HHLA1: variants seen among roughly 807,000 people sequenced by gnomAD.
The protein encoded by HHLA1 is HERV-H LTR-associating protein 1.
A neutral mutation model predicts 69.9 loss-of-function variants in HHLA1; 72 were observed. The ratio of observed to expected loss-of-function variants is 1.03; its 90% CI spans 0.85 to 1.25. The LOEUF (loss-of-function observed/expected upper bound fraction) is 1.25. Ranked by LOEUF, HHLA1 falls within the 50% of genes most tolerant of loss-of-function variation. The pLI, the probability that HHLA1 is intolerant of heterozygous loss-of-function variation, is 0.00. For missense variants in HHLA1, 685 were observed against 642.2 expected (o/e 1.07, Z -0.72); for synonymous variants, 252 against 233.2 (o/e 1.08, Z -0.73).
At chr8:132,102,616 C>T (rs927630227) in intron 3 of HHLA1, among the ~76,000 whole-genome samples, 5 of 152,210 alleles carry the variant, frequency 3.3e-5, no homozygotes, top group Non-Finnish European at 7.3e-5. Flanking sequence ...GAGGCACAAT[C>T]AACCTTGCTT....
intron 14 of HHLA1, among the ~76,000 whole-genome samples, chr8:132,075,404 G>T (rs184517145): frequency 1.3e-3 from 199 of 152,280 alleles, no homozygotes; most frequent in African/African-American, 4.6e-3. Context: ...AGAGTGAGAT[G>T]TCCAAAAGCA....
chr8:132,105,471 A>T (rs371683630), intron 1 of HHLA1, among the ~76,000 whole-genome samples, 185 bp from the exon 2 acceptor site: 6 of 152,326 alleles, frequency 3.9e-5, no homozygotes, highest in African/African-American at 1.4e-4. Flanking sequence ...AGAAAAGTTG[A>T]TTTCTTGTTT....
intron 5 of HHLA1, among the ~76,000 whole-genome samples, chr8:132,098,663 T>C (rs1192929161): frequency 1.3e-5 from 2 of 151,998 alleles, no homozygotes; most frequent in South Asian, 2.1e-4. Flanking sequence ...GGTTTTGTCA[T>C]GTTGCCTAGG....
intron 5 of HHLA1, among the ~76,000 whole-genome samples, chr8:132,097,080 C>T (rs138480582): frequency 6.6e-6 from 1 of 152,276 alleles, no homozygotes; most frequent in East Asian, 1.9e-4. Flanking sequence ...TGCCCATTCC[C>T]CCTCGGCTCT....
At chr8:132,076,002 AC>A in intron 14 of HHLA1, 52 bp downstream of exon 14, 1 of 1,281,190 alleles carries the variant, frequency 7.8e-7, no homozygotes, top group South Asian at 1.3e-5. Flanking sequence ...CTACTACATG[AC>A]CTTGTTCAAA....
intron 1 of HHLA1, among the ~76,000 whole-genome samples, chr8:132,107,156 G>A (rs1216995361): frequency 6.6e-6 from 1 of 151,796 alleles, no homozygotes; most frequent in Admixed American, 6.6e-5. Context: ...GAGAAATACG[G>A]AATTAAAAGA....
At position 132,087,908 on chromosome 8, in the gene HHLA1, G is replaced by A; in HGVS notation, c.533-7C>T. On this transcript the variant is annotated splice_region_variant and splice_polypyrimidine_tract_variant and intron_variant, in intron 8 of 16. Transcript: ENST00000414222. ...GATTCATTGCTTTGATTCACTGTAA[G>A]ACAAACGAGTATACAATAAGACTTA... 1 of 1,548,674 alleles carries A rather than the reference G, an allele frequency of 6.5e-7. No homozygotes were observed. Among genetic ancestry groups the A allele is most frequent in the Non-Finnish European group, 8.7e-7 (1 of 1,144,172 alleles).
At chr8:132,071,800 T>C (rs1823550033) in intron 14 of HHLA1, among the ~76,000 whole-genome samples, 1 of 152,130 alleles carries the variant, frequency 6.6e-6, no homozygotes, top group Non-Finnish European at 1.5e-5. Flanking sequence ...ATTTCTGGTG[T>C]AAGGGACAGG....
At chr8:132,104,302 A>T in intron 2 of HHLA1, 135 bp from the exon 3 acceptor site, 1 of 634,512 alleles carries the variant, frequency 1.6e-6, no homozygotes, top group African/African-American at 1.8e-5. Context: ...TCCCGCATCT[A>T]GTTTGTTCAT....
chr8:132,095,762 A>G lies in HHLA1; in HGVS notation c.305T>C (p.Leu102Pro). The G allele has an allele frequency of 6.4e-7, 1 of 1,551,164 alleles. No homozygotes were observed. Among genetic ancestry groups the G allele is most frequent in the African/African-American group, 1.4e-5 (1 of 73,162 alleles). The change falls in exon 6 of 17, where the codon CTG becomes CCG. Residue 102 changes from leucine to proline, a missense_variant. Physicochemically the swap from Leu to Pro is moderately conservative, Grantham distance 98. Coordinates refer to ENST00000414222, the MANE Select transcript of HHLA1 (RefSeq NM_001145095.3). ...LKDSKKFFSL[L>P]SVTSYSSFAF... ...GAAGGAACTGTAGGAAGTGACACTC[A>G]GCAAGGAGAAGAACTTCTTGCTATC...
intron 5 of HHLA1, among the ~76,000 whole-genome samples, chr8:132,096,497 A>G (rs1486460628): frequency 6.6e-6 from 1 of 151,898 alleles, no homozygotes; most frequent in Non-Finnish European, 1.5e-5. Flanking sequence ...TCAGTCTACT[A>G]CACAAAGAAA....
intron 13 of HHLA1, 81 bp from the exon 14 acceptor site, chr8:132,076,210 C>T: frequency 1.0e-6 from 1 of 999,980 alleles, no homozygotes; most frequent in Non-Finnish European, 1.5e-6. Flanking sequence ...TTTATAACAT[C>T]TTAAAGGTAA....
At chr8:132,095,848 T>G (rs931218822) in intron 5 of HHLA1, 62 bp from the exon 6 acceptor site, 1 of 982,212 alleles carries the variant, frequency 1.0e-6, no homozygotes, top group Non-Finnish European at 1.5e-6. Flanking sequence ...ATAATACAAA[T>G]AAGTAAACAG....
rs750758961 is a variant in HHLA1, at chr8:132,065,971, A to G, written c.1470-3T>C. On this transcript the variant is annotated splice_polypyrimidine_tract_variant and splice_region_variant and intron_variant, in intron 15 of 16. Transcript: ENST00000414222. ...AGGAATAGTATTCAAGACAGTATCT[A>G]AAGATTTAAATCAGAGCAGGGAGCA... 1 of 1,260,060 alleles carries G rather than the reference A, an allele frequency of 7.9e-7. No individual in the cohort carries two copies. The allele number at this position is 1,260,060 out of a possible 1,614,324, so 78.1% of individuals were successfully genotyped here. A position where few individuals can be genotyped will look rare whatever the true frequency, so the allele number is the denominator to read the frequency against.
At chr8:132,077,411 C>A (rs1006654513) in intron 12 of HHLA1, among the ~76,000 whole-genome samples, 2 of 151,928 alleles carry the variant, frequency 1.3e-5, no homozygotes, top group Admixed American at 1.3e-4. Context: ...ATTTCAGGCC[C>A]GGGTCCATCC....
chr8:132,078,066 G>A (rs1423273349), intron 11 of HHLA1, 95 bp from the exon 12 acceptor site: 3 of 1,350,302 alleles, frequency 2.2e-6, no homozygotes, highest in Non-Finnish European at 3.1e-6. Context: ...TTATCAAAGG[G>A]CAAATGCAAT....
Sources: gnomAD v4.1 joint callset for allele counts (sites outside exome capture counted in the v4.1 genomes callset) on GRCh38, gnomAD v4.1.1 for gene constraint, MANE v1.5 for transcripts, NCBI Gene and HGNC (gene_info 2026-07-23, HGNC 2026-07-21) for gene names.